Variants in COL28A1 observed in about 807,000 individuals in gnomAD.
COL28A1 encodes collagen type XXVIII alpha 1 chain, also known as collagen alpha-1(XXVIII) chain.
Under a neutral mutation model 150.2 loss-of-function variants are expected in COL28A1, and 161 were observed. The ratio of observed to expected loss-of-function variants is 1.07; its 90% CI spans 0.94 to 1.22. COL28A1 has a LOEUF of 1.22. Among genes scored for constraint, COL28A1 ranks in the 50% most tolerant of loss-of-function variants. COL28A1 has a pLI of 0.00. For missense variants in COL28A1, 1,617 were observed against 1,388.3 expected (o/e 1.16, Z -2.62); for synonymous variants, 552 against 469.7 (o/e 1.18, Z -2.26).
rs1456909082 is a variant in COL28A1, at chr7:7,396,161, A to AC, written c.2137-14550dup. On this transcript the variant is annotated intron_variant, in intron 27 of 34. Coordinates refer to ENST00000399429, the MANE Select transcript of COL28A1 (RefSeq NM_001037763.3). ...ATTGATAGAAGGACCTTATCCAGAG[A>AC]CCCCCTAGAGCAACCCAGTGGTCTG... Among the ~76,000 whole-genome samples, 7 of 152,076 alleles carry AC rather than the reference A, an allele frequency of 4.6e-5. No homozygotes were observed. In the East Asian group the frequency reaches 9.7e-4, roughly 21 times the overall value.
intron 15 of COL28A1, among the ~76,000 whole-genome samples, chr7:7,461,040 T>C (rs1279074836): frequency 6.6e-6 from 1 of 152,202 alleles, no homozygotes; most frequent in Non-Finnish European, 1.5e-5. Context: ...CTGAAGGGAA[T>C]GGATTGCTCC....
chr7:7,541,737 C>T, the COL28A1 span, among the ~76,000 whole-genome samples: 14 of 151,982 alleles, frequency 9.2e-5, no homozygotes, highest in African/African-American at 2.9e-4. Context: ...AATGAGGAGA[C>T]GAACGAAAGA....
At chr7:7,482,829 G>A (rs1045161315) in intron 13 of COL28A1, among the ~76,000 whole-genome samples, 1 of 152,162 alleles carries the variant, frequency 6.6e-6, no homozygotes, top group Non-Finnish European at 1.5e-5. Context: ...TTCAAAAAGA[G>A]AGAATCAAAA....
chr7:7,500,711 G>T (rs1780473551), intron 11 of COL28A1, among the ~76,000 whole-genome samples: 1 of 151,326 alleles, frequency 6.6e-6, no homozygotes, highest in Non-Finnish European at 1.5e-5. Flanking sequence ...CGTTTAGCAT[G>T]CTTACAGTTT....
intron 21 of COL28A1, among the ~76,000 whole-genome samples, 182 bp from the exon 22 acceptor site, chr7:7,437,644 A>G (rs779450791): frequency 7.2e-5 from 11 of 152,330 alleles, no homozygotes; most frequent in Non-Finnish European, 1.3e-4. Flanking sequence ...ATTGACTAGT[A>G]AGATTTCAGT....
chr7:7,524,564 A>G (rs1188484431), intron 3 of COL28A1, among the ~76,000 whole-genome samples: 1 of 152,214 alleles, frequency 6.6e-6, no homozygotes, highest in Non-Finnish European at 1.5e-5. Context: ...TATAAAGTTA[A>G]TCAGTCATAA....
At chr7:7,399,701 A>T (rs1026655479) in intron 27 of COL28A1, among the ~76,000 whole-genome samples, 1 of 152,222 alleles carries the variant, frequency 6.6e-6, no homozygotes, top group African/African-American at 2.4e-5. Flanking sequence ...ATGTGGGTCA[A>T]TTGAAAGAAG....
chr7:7,365,783 T>A (rs1780904423), intron 33 of COL28A1, among the ~76,000 whole-genome samples: 1 of 152,172 alleles, frequency 6.6e-6, no homozygotes, highest in Admixed American at 6.5e-5. Flanking sequence ...GCTCTGGGGA[T>A]TCTACTGCCA....
At chr7:7,385,256 C>A (rs192997745) in intron 27 of COL28A1, among the ~76,000 whole-genome samples, 28 of 152,154 alleles carry the variant, frequency 1.8e-4, no homozygotes, top group African/African-American at 6.3e-4. Flanking sequence ...CAATGAGGTA[C>A]CTGGTAGAAG....
At chr7:7,518,799 C>G (rs1175757829) in intron 6 of COL28A1, among the ~76,000 whole-genome samples, 3 of 152,132 alleles carry the variant, frequency 2.0e-5, no homozygotes, top group Non-Finnish European at 2.9e-5. Context: ...AAAAAATAAT[C>G]CTCTGGATTC....
the COL28A1 span, among the ~76,000 whole-genome samples, chr7:7,344,483 T>A: frequency 6.6e-6 from 1 of 152,130 alleles, no homozygotes; most frequent in Admixed American, 6.6e-5. Context: ...AAGATTGAAT[T>A]ACTTCAGATA....
intron 5 of COL28A1, among the ~76,000 whole-genome samples, chr7:7,520,974 G>T (rs1374439500): frequency 6.6e-6 from 1 of 152,078 alleles, no homozygotes; most frequent in African/African-American, 2.4e-5. Context: ...TCCCTTGATT[G>T]GTAGGATGGT....
chr7:7,462,400 G>A (rs751496008), intron 15 of COL28A1, among the ~76,000 whole-genome samples: 1 of 152,182 alleles, frequency 6.6e-6, no homozygotes, highest in African/African-American at 2.4e-5. Flanking sequence ...ACCTGAAAAA[G>A]AATTCAGAAG....
At chr7:7,366,438 T>C (rs1780935850) in intron 33 of COL28A1, among the ~76,000 whole-genome samples, 1 of 152,202 alleles carries the variant, frequency 6.6e-6, no homozygotes, top group Non-Finnish European at 1.5e-5. Flanking sequence ...ATATTTCTTC[T>C]AGATCAGTTA....
chr7:7,376,824 T>C (rs1433563942), intron 30 of COL28A1, among the ~76,000 whole-genome samples: 2 of 152,208 alleles, frequency 1.3e-5, no homozygotes, highest in African/African-American at 2.4e-5. Context: ...ATTACTGAAA[T>C]TGAATGTGCG....
chr7:7,538,585 C>A (rs1432090711), upstream of COL28A1, among the ~76,000 whole-genome samples: 1 of 152,138 alleles, frequency 6.6e-6, no homozygotes. Context: ...ATAGTAGCAT[C>A]TGCATTGTGT....
At chr7:7,418,653 T>TA (rs2128307783) in intron 26 of COL28A1, among the ~76,000 whole-genome samples, 1 of 152,272 alleles carries the variant, frequency 6.6e-6, no homozygotes, top group African/African-American at 2.4e-5. Context: ...AGTGCTGGGT[T>TA]AATATAAGTT....
intron 25 of COL28A1, among the ~76,000 whole-genome samples, chr7:7,422,056 T>A (rs1185083743): frequency 2.0e-5 from 3 of 151,936 alleles, no homozygotes; most frequent in Admixed American, 6.6e-5. Context: ...AAAGGGAGAG[T>A]GTGTAAGTTC....
At position 7,373,209 on chromosome 7, in the gene COL28A1, G is replaced by C. The variant is rs1374340227; in HGVS notation, c.2697C>G (p.Ala899=). The change falls in exon 32 of 35, where the codon GCC becomes GCG. Residue 899 remains alanine, a synonymous_variant. Coordinates refer to ENST00000399429, the MANE Select transcript of COL28A1 (RefSeq NM_001037763.3). The surrounding 1 kb of genome is among the most constrained non-coding windows in gnomAD (Gnocchi z 4.1). The part of the protein sequence containing the change: ...EDARPGVKKV[A]LVITDGQTDS... ...CTGTCTGTCCATCAGTGATGACCAA[G>C]GCCACTTTTTTTACACCTGGCCTTG... 2 of 1,614,062 alleles carry C rather than the reference G, an allele frequency of 1.2e-6. No homozygotes were observed. The highest frequency in any genetic ancestry group is 2.7e-5 in the African/African-American group (2 of 74,906).
Sources: gnomAD v4.1 joint callset for allele counts (sites outside exome capture counted in the v4.1 genomes callset) on GRCh38, gnomAD v4.1.1 for gene constraint, Gnocchi (gnomAD v3.1) non-coding constraint, MANE v1.5 for transcripts, NCBI Gene and HGNC (gene_info 2026-07-23, HGNC 2026-07-21) for gene names.